The following MRRF variants were observed in gnomAD, a reference collection of about 807,000 sequenced individuals.
The protein encoded by MRRF is mitochondrial ribosome recycling factor.
A neutral mutation model predicts 25.1 loss-of-function variants in MRRF; 18 were observed. That is an observed-to-expected ratio of 0.72 (90% CI 0.50 to 1.06). The LOEUF is 1.06. Among genes scored for constraint, MRRF ranks in the 50% least tolerant of loss-of-function variants. MRRF has a pLI of 0.00. For missense variants in MRRF, 323 were observed against 319.3 expected (o/e 1.01, Z -0.09); for synonymous variants, 113 against 112.1 (o/e 1.01, Z -0.05).
At chr9:122,290,660 A>T (rs1223735844) in intron 4 of MRRF, among the ~76,000 whole-genome samples, 1 of 152,244 alleles carries the variant, frequency 6.6e-6, no homozygotes, top group East Asian at 1.9e-4. Context: ...CTTTGAATCC[A>T]AGTGATGTGG....
chr9:122,265,842 A>G lies in MRRF; in HGVS notation c.-29+904A>G. On this transcript the variant is annotated intron_variant, in intron 1 of 6. Transcript: ENST00000344641. Reference sequence around the variant, plus strand: ...GCAAAAGCCCTTTCTCTACCTGTTAAAGTGTCTCATTCCTTCTTTGGCCGT... The same window carrying G: ...GCAAAAGCCCTTTCTCTACCTGTTAGAGTGTCTCATTCCTTCTTTGGCCGT... 3 of 988,144 alleles carry G rather than the reference A, an allele frequency of 3.0e-6. No individual in the cohort carries two copies. In the Admixed American group the frequency reaches 6.9e-5, roughly 23 times the overall value. The allele number at this position is 988,144 out of a possible 1,614,324, so 61.2% of individuals were successfully genotyped here.
Position 122,280,478 on chromosome 9 carries a change from A to G in MRRF, c.220A>G (p.Ile74Val), listed in dbSNP as rs1833033161. The part of the protein sequence containing the change: ...GKGQSQTRVN[I>V]NAALVEDIIN... ...AGGACAGTCCCAAACCAGAGTGAAT[A>G]TTAATGCTGCCTTGGTTGAGGATAT... The change falls in exon 3 of 7, where the codon ATT becomes GTT. Residue 74 changes from isoleucine (I) to valine (V), a missense_variant. Ile to Val is a conservative substitution (Grantham distance 29, BLOSUM62 3). Transcript: ENST00000344641. The G allele has an allele frequency of 1.9e-6, 3 of 1,614,046 alleles. No individual in the cohort carries two copies. Among genetic ancestry groups the G allele is most frequent in the Non-Finnish European group, 2.5e-6 (3 of 1,180,000 alleles).
intron 2 of MRRF, among the ~76,000 whole-genome samples, chr9:122,280,155 TACTC>T (rs1833009797): frequency 6.6e-6 from 1 of 152,224 alleles, no homozygotes; most frequent in Admixed American, 6.5e-5. Context: ...GGGAACTTGA[TACTC>T]AGAAAGATAA....
chr9:122,281,230 A>G (rs1200409340), intron 3 of MRRF, among the ~76,000 whole-genome samples: 3 of 152,210 alleles, frequency 2.0e-5, no homozygotes, highest in African/African-American at 4.8e-5. Context: ...GATGTGATGG[A>G]GAAGTGAGTT....
At chr9:122,317,718 T>C (rs1835624171) in intron 6 of MRRF, among the ~76,000 whole-genome samples, 1 of 152,202 alleles carries the variant, frequency 6.6e-6, no homozygotes, top group Non-Finnish European at 1.5e-5. Context: ...TTTCAGATGA[T>C]GGGATTATAA....
chr9:122,272,630 T>C (rs1832534116), intron 2 of MRRF, among the ~76,000 whole-genome samples: 1 of 152,206 alleles, frequency 6.6e-6, no homozygotes, highest in Non-Finnish European at 1.5e-5. Flanking sequence ...TGACTTTTTC[T>C]TTTAGATTTA....
intron 4 of MRRF, among the ~76,000 whole-genome samples, chr9:122,287,609 A>C (rs146582766): frequency 2.4e-4 from 37 of 152,324 alleles, no homozygotes; most frequent in Admixed American, 7.2e-4. Context: ...TTCACAGAAG[A>C]AGCACCTGAT....
intron 2 of MRRF, among the ~76,000 whole-genome samples, chr9:122,277,551 ACTTT>A (rs906784759): frequency 4.0e-4 from 60 of 151,882 alleles, no homozygotes; most frequent in African/African-American, 1.2e-3. Flanking sequence ...TTTATTTTGT[ACTTT>A]CTTTCTTTTT....
chr9:122,303,496 C>T (rs1040752403), intron 5 of MRRF, among the ~76,000 whole-genome samples: 1 of 151,856 alleles, frequency 6.6e-6, no homozygotes, highest in Non-Finnish European at 1.5e-5. Context: ...TCCTCCCACT[C>T]AGCCTCCTGA....
At chr9:122,265,609 A>G (rs1258509018) in intron 1 of MRRF, 3 of 442,688 alleles carry the variant, frequency 6.8e-6, no homozygotes, top group African/African-American at 2.0e-5. Flanking sequence ...GGAAAGCTTT[A>G]TAGTTGGAAA....
chr9:122,266,150 C>T (rs1479973433), intron 1 of MRRF, among the ~76,000 whole-genome samples: 5 of 152,244 alleles, frequency 3.3e-5, no homozygotes, highest in Admixed American at 2.6e-4. Context: ...GTACCAGGTA[C>T]TGGGGATACA....
intron 4 of MRRF, chr9:122,286,027 T>C: frequency 7.7e-7 from 1 of 1,299,622 alleles, no homozygotes; most frequent in Non-Finnish European, 1.0e-6. Context: ...CTTTTTGTTA[T>C]TGGTCCACTA....
rs764284579 is a variant in MRRF, at chr9:122,271,091, G to A, written c.184+16G>A. ...AAAGCCAAAGGTAGAGACATGTGAC[G>A]TTCTCTCCTACTTCACCCCTTTCTT... is the stretch of plus-strand genomic sequence containing the variant. On this transcript the variant is annotated intron_variant, in intron 2 of 6. Transcript: ENST00000344641. 1.2e-5 allele frequency: 19 copies of A among 1,607,284 alleles called. No individual in the cohort carries two copies. The highest frequency in any genetic ancestry group is 9.9e-5 in the South Asian group (9 of 90,948).
intron 2 of MRRF, among the ~76,000 whole-genome samples, chr9:122,279,422 A>G (rs188730015): frequency 6.6e-6 from 1 of 152,346 alleles, no homozygotes; most frequent in African/African-American, 2.4e-5. Context: ...TTGCATTGCA[A>G]GTTATAATAT....
intron 5 of MRRF, among the ~76,000 whole-genome samples, chr9:122,294,519 A>G (rs144935142): frequency 3.9e-5 from 6 of 152,284 alleles, no homozygotes; most frequent in Admixed American, 3.3e-4. Flanking sequence ...ATTTTTTTAT[A>G]TACTTTCTTC....
intron 2 of MRRF, among the ~76,000 whole-genome samples, chr9:122,278,463 C>T (rs922342608): frequency 6.6e-6 from 1 of 152,002 alleles, no homozygotes; most frequent in Non-Finnish European, 1.5e-5. Flanking sequence ...TTTATATTCT[C>T]ATATCTGGCC....
At chr9:122,270,735 G>T (rs940130996) in intron 1 of MRRF, 129 bp from the exon 2 acceptor site, 1 of 725,192 alleles carries the variant, frequency 1.4e-6, no homozygotes, top group Admixed American at 2.0e-5. Context: ...TAGAGATAAT[G>T]TATTTAAATT....
intron 5 of MRRF, among the ~76,000 whole-genome samples, chr9:122,300,638 A>G (rs1376243591): frequency 2.6e-5 from 4 of 151,990 alleles, no homozygotes; most frequent in African/African-American, 9.7e-5. Flanking sequence ...CTGTTTGCTG[A>G]TTTCTCTTTT....
chr9:122,317,320 A>G (rs976381036), intron 6 of MRRF, among the ~76,000 whole-genome samples: 2 of 152,078 alleles, frequency 1.3e-5, no homozygotes, highest in African/African-American at 4.8e-5. Flanking sequence ...TTCACACTCT[A>G]CAGAAAAGAT....
Sources: gnomAD v4.1 joint callset for allele counts (sites outside exome capture counted in the v4.1 genomes callset) on GRCh38, gnomAD v4.1.1 for gene constraint, MANE v1.5 for transcripts, NCBI Gene and HGNC (gene_info 2026-07-23, HGNC 2026-07-21) for gene names.